ZNF10: variants seen among roughly 807,000 people sequenced by gnomAD.
The protein encoded by ZNF10 is zinc finger protein 10, also known as zinc finger protein 10 (KOX 1).
Under a neutral mutation model 12.2 loss-of-function variants are expected in ZNF10, and 8 were observed. The observed-to-expected ratio is 0.66, with a 90% CI of 0.39 to 1.18. The LOEUF (loss-of-function observed/expected upper bound fraction) is 1.18. Among genes scored for constraint, ZNF10 ranks in the 50% most tolerant of loss-of-function variants. The pLI is 0.01. For missense variants in ZNF10, 603 were observed against 678.9 expected, an observed-to-expected ratio of 0.89 and a Z score of 1.24; for synonymous variants, 229 against 228.2, an observed-to-expected ratio of 1.00 and a Z score of -0.03.
rs2135466664 is a variant in ZNF10, at chr12:133,158,227, A to G, written c.*1259A>G. On this transcript the variant is annotated 3_prime_UTR_variant, in exon 5 of 5. Transcript: ENST00000248211. ...TGAGTAAATGGAAACAGCTTAGAAT[A>G]GTGCCTGACATATATTATGTTCTCT... 6.6e-6 allele frequency: 1 copy of G among 152,342 alleles called. No individual in the cohort carries two copies. Among genetic ancestry groups the G allele is most frequent in the East Asian group, 1.9e-4 (1 of 5,188 alleles). 9.4% of individuals were successfully genotyped at this position (152,342 alleles called of 1,614,324 possible). A position where few individuals can be genotyped will look rare whatever the true frequency, so the allele number is the denominator to read the frequency against.
intron 2 of ZNF10, among the ~76,000 whole-genome samples, chr12:133,145,980 A>G (rs1955974070): frequency 6.6e-6 from 1 of 152,200 alleles, no homozygotes; most frequent in Non-Finnish European, 1.5e-5. Context: ...AGTGCAATGT[A>G]TTACTTATAG....
At chr12:133,134,362 T>C (rs990648098) in intron 1 of ZNF10, among the ~76,000 whole-genome samples, 5 of 151,678 alleles carry the variant, frequency 3.3e-5, no homozygotes, top group Admixed American at 6.6e-5. Context: ...CAGGGAAATA[T>C]AACCATGAAA....
chr12:133,136,487 G>A (rs1028725794), intron 1 of ZNF10, among the ~76,000 whole-genome samples: 12 of 152,038 alleles, frequency 7.9e-5, no homozygotes, highest in African/African-American at 2.9e-4. Context: ...CTCTTTATCT[G>A]GAGGTTCTCT....
chr12:133,150,070 C>T (rs905867901), intron 2 of ZNF10, among the ~76,000 whole-genome samples: 2 of 152,140 alleles, frequency 1.3e-5, no homozygotes, highest in African/African-American at 4.8e-5. Flanking sequence ...TGTTACAGGT[C>T]TTTCTTTCAA....
At chr12:133,147,383 G>T (rs866931965) in intron 2 of ZNF10, among the ~76,000 whole-genome samples, 1 of 152,106 alleles carries the variant, frequency 6.6e-6, no homozygotes, top group Non-Finnish European at 1.5e-5. Context: ...GTGTGGGAGT[G>T]GCAGTTATTC....
chr12:133,134,435 G>T (rs1305928740), intron 1 of ZNF10, among the ~76,000 whole-genome samples: 1 of 152,200 alleles, frequency 6.6e-6, no homozygotes, highest in Non-Finnish European at 1.5e-5. Flanking sequence ...AGGAGCCAAG[G>T]AGTGTAGATG....
At chr12:133,151,420 C>T (rs1002129444) in intron 3 of ZNF10, among the ~76,000 whole-genome samples, 1 of 152,074 alleles carries the variant, frequency 6.6e-6, no homozygotes, top group African/African-American at 2.4e-5. Flanking sequence ...CCGAGGTGAG[C>T]AGATCACAAG....
In ZNF10 at chr12:133,155,733, G is replaced by A; in HGVS notation, c.487G>A (p.Val163Ile). 6.2e-7 allele frequency: 1 copy of A among 1,612,196 alleles called. No individual in the cohort carries two copies. Among genetic ancestry groups the A allele is most frequent in the Non-Finnish European group, 8.5e-7 (1 of 1,179,308 alleles). Residue 163 changes from valine to isoleucine, a missense_variant, in exon 5 of 5, where the codon GTC becomes ATC. Physicochemically the swap from Val to Ile is conservative, Grantham distance 29. This residue lies in a region of ZNF10 where 393 missense variants were observed against 399.7 expected (regional missense o/e 0.98). Coordinates refer to ENST00000248211, the MANE Select transcript of ZNF10 (RefSeq NM_015394.5). ...TQKKVLTQER[V>I]SESGKYGGNC... ...AAAGAAAGTACTTACTCAGGAGAGAGTCTCTGAAAGTGGTAAATATGGGGG... is the reference window on the plus strand; with the variant it reads ...AAAGAAAGTACTTACTCAGGAGAGAATCTCTGAAAGTGGTAAATATGGGGG...
intron 1 of ZNF10, among the ~76,000 whole-genome samples, chr12:133,138,108 C>T (rs1955923207): frequency 6.6e-6 from 1 of 151,964 alleles, no homozygotes; most frequent in African/African-American, 2.4e-5. Context: ...GGTATGGGAC[C>T]CAGGTATCAA....
At chr12:133,152,279 T>C (rs867411348) in intron 4 of ZNF10, among the ~76,000 whole-genome samples, 2 of 152,194 alleles carry the variant, frequency 1.3e-5, no homozygotes, top group Admixed American at 6.5e-5. Context: ...GGGACTCTTA[T>C]CACCTTCTTT....
At chr12:133,133,180 C>G (rs1955890532) in intron 1 of ZNF10, among the ~76,000 whole-genome samples, 1 of 152,054 alleles carries the variant, frequency 6.6e-6, no homozygotes, top group Non-Finnish European at 1.5e-5. Flanking sequence ...ATATCTTTGC[C>G]ATGTCTATTG....
chr12:133,131,481 TAAA>T (rs892558810), intron 1 of ZNF10, among the ~76,000 whole-genome samples: 1 of 144,012 alleles, frequency 6.9e-6, no homozygotes, highest in Non-Finnish European at 1.5e-5. Context: ...TACTGTTAAT[TAAA>T]AAAAAAAAAG....
intron 2 of ZNF10, among the ~76,000 whole-genome samples, chr12:133,148,376 C>T (rs554240812): frequency 6.6e-6 from 1 of 152,350 alleles, no homozygotes; most frequent in Non-Finnish European, 1.5e-5. Context: ...CTGCCTTGGC[C>T]TCCCAGAGTG....
chr12:133,135,586 G>T (rs1250218827), intron 1 of ZNF10, among the ~76,000 whole-genome samples: 1 of 152,112 alleles, frequency 6.6e-6, no homozygotes, highest in East Asian at 1.9e-4. Context: ...AAACAGCACA[G>T]CCTCTGCAAA....
At chr12:133,133,167 A>G (rs906416863) in intron 1 of ZNF10, among the ~76,000 whole-genome samples, 5 of 152,212 alleles carry the variant, frequency 3.3e-5, no homozygotes, top group Non-Finnish European at 7.3e-5. Flanking sequence ...TGTATCTTTA[A>G]GTATATCTTT....
At position 133,156,962 on chromosome 12, in the gene ZNF10, T is replaced by G; in HGVS notation, c.1716T>G (p.Ala572=). The change falls in exon 5 of 5, where the codon GCT becomes GCG. Residue 572 remains alanine (A), a synonymous_variant. Transcript: ENST00000248211. ...AGACAAATCATATTAGAGAAAATGC[T>G]TACTAATAAATATGGGAATTTTTCA... ...GYQTNHIREN[A]Y 1 of 1,415,562 alleles carries G rather than the reference T, an allele frequency of 7.1e-7. No homozygotes were observed. The highest frequency in any genetic ancestry group is 9.2e-7 in the Non-Finnish European group (1 of 1,082,300). 87.7% of individuals were successfully genotyped at this position (1,415,562 alleles called of 1,614,324 possible). A position where few individuals can be genotyped will look rare whatever the true frequency, so the allele number is the denominator to read the frequency against.
At chr12:133,145,385 T>C (rs1419340551) in intron 2 of ZNF10, among the ~76,000 whole-genome samples, 1 of 152,230 alleles carries the variant, frequency 6.6e-6, no homozygotes, top group Non-Finnish European at 1.5e-5. Context: ...ATGGCACTTC[T>C]CATCTCTGTC....
chr12:133,143,313 A>G (rs1344953628), intron 1 of ZNF10, among the ~76,000 whole-genome samples: 2 of 152,124 alleles, frequency 1.3e-5, no homozygotes, highest in Non-Finnish European at 2.9e-5. Context: ...TGAATTGGAT[A>G]CTTAAAAACA....
intron 2 of ZNF10, among the ~76,000 whole-genome samples, chr12:133,145,145 C>T (rs1257392709): frequency 6.6e-6 from 1 of 152,182 alleles, no homozygotes; most frequent in Non-Finnish European, 1.5e-5. Context: ...TCCCAAAGCA[C>T]TGCATTACAG....
Sources: gnomAD v4.1 joint callset for allele counts (sites outside exome capture counted in the v4.1 genomes callset) on GRCh38, gnomAD v4.1.1 for gene constraint, gnomAD v4.1.1 regional missense constraint, MANE v1.5 for transcripts, NCBI Gene and HGNC (gene_info 2026-07-23, HGNC 2026-07-21) for gene names.